Variants in BCL2 observed in about 807,000 individuals in gnomAD.
The protein encoded by BCL2 is BCL2 apoptosis regulator.
A neutral mutation model predicts 14.2 loss-of-function variants in BCL2; 1 was observed. The observed-to-expected ratio is 0.07, with a 90% CI of 0.02 to 0.33. The LOEUF is 0.33. BCL2 is among the 10% of genes least tolerant of loss of function. BCL2 has a pLI of 0.99. For missense variants in BCL2, 247 were observed against 305.9 expected, an observed-to-expected ratio of 0.81 and a Z score of 1.44; for synonymous variants, 151 against 137.2, an observed-to-expected ratio of 1.10 and a Z score of -0.70.
In BCL2 at chr18:63,125,819, C is replaced by T; in HGVS notation, c.*2806G>A. 4.6e-6 allele frequency: 1 copy of T among 218,152 alleles called. No individual in the cohort carries two copies. Among genetic ancestry groups the T allele is most frequent in the Non-Finnish European group, 9.2e-6 (1 of 108,382 alleles). The allele number at this position is 218,152 out of a possible 1,614,324, so 13.5% of individuals were successfully genotyped here. ...GCCACAATACTGTACAGTTCTGGGG[C>T]CAAGAGGCTGGGCACATTTACTGTT... is the stretch of plus-strand genomic sequence containing the variant. On this transcript the variant is annotated 3_prime_UTR_variant, in exon 3 of 3. Transcript: ENST00000333681.
intron 2 of BCL2, among the ~76,000 whole-genome samples, chr18:63,267,064 G>T (rs1186873751): frequency 6.6e-6 from 1 of 152,172 alleles, no homozygotes; most frequent in Non-Finnish European, 1.5e-5. Context: ...AGGTCAGGAG[G>T]TGAGGAGATG....
At chr18:63,311,613 G>A (rs1913321786) in intron 2 of BCL2, among the ~76,000 whole-genome samples, 1 of 152,178 alleles carries the variant, frequency 6.6e-6, no homozygotes. Flanking sequence ...GCCCCAGAGA[G>A]CTGATTATTA....
chr18:63,216,433 T>C (rs1352126167), intron 2 of BCL2, among the ~76,000 whole-genome samples: 9 of 151,374 alleles, frequency 5.9e-5, no homozygotes, highest in Non-Finnish European at 1.2e-4. Context: ...AGTGAAACTT[T>C]GCTTAGGAAG....
At chr18:63,170,137 T>C (rs892940085) in intron 2 of BCL2, among the ~76,000 whole-genome samples, 1 of 152,146 alleles carries the variant, frequency 6.6e-6, no homozygotes, top group Non-Finnish European at 1.5e-5. Context: ...TCAGTTTTTT[T>C]CATCTATAAA....
chr18:63,221,146 TG>T (rs1910381396), intron 2 of BCL2, among the ~76,000 whole-genome samples: 1 of 152,256 alleles, frequency 6.6e-6, no homozygotes, highest in East Asian at 1.9e-4. Context: ...CACGTGTCTG[TG>T]GGCAAGTGGT....
intron 2 of BCL2, among the ~76,000 whole-genome samples, chr18:63,237,869 G>GT (rs531831289): frequency 2.8e-4 from 43 of 151,942 alleles, no homozygotes; most frequent in Non-Finnish European, 3.7e-4. Context: ...ATTTTAAATA[G>GT]TTTTTTTTAA....
At chr18:63,138,224 C>T (rs972842511) in intron 2 of BCL2, among the ~76,000 whole-genome samples, 36 of 152,334 alleles carry the variant, frequency 2.4e-4, no homozygotes, top group African/African-American at 8.4e-4. Context: ...GAGTGGTGGC[C>T]GGCAGAGCAC....
chr18:63,183,851 GTGCAA>G (rs2144644652), intron 2 of BCL2, among the ~76,000 whole-genome samples: 2 of 152,228 alleles, frequency 1.3e-5, no homozygotes, highest in East Asian at 3.9e-4. Flanking sequence ...ACATTAAACA[GTGCAA>G]TTTATGTTAG....
chr18:63,182,688 G>A (rs1915507289), intron 2 of BCL2, among the ~76,000 whole-genome samples: 1 of 152,154 alleles, frequency 6.6e-6, no homozygotes, highest in South Asian at 2.1e-4. Context: ...GGCTTCATTG[G>A]CCCATTCTGC....
intron 2 of BCL2, among the ~76,000 whole-genome samples, chr18:63,269,219 G>C (rs902499258): frequency 6.6e-6 from 1 of 152,110 alleles, no homozygotes; most frequent in African/African-American, 2.4e-5. Flanking sequence ...CTCCCAAAAT[G>C]CTGAGATTAT....
At chr18:63,215,409 G>A (rs535343202) in intron 2 of BCL2, among the ~76,000 whole-genome samples, 13 of 152,190 alleles carry the variant, frequency 8.5e-5, no homozygotes, top group South Asian at 2.1e-4. Context: ...GGAATAGTAC[G>A]CAGTCATGAA....
At position 63,127,277 on chromosome 18, in the gene BCL2, A is replaced by G; in HGVS notation, c.*1348T>C. 1 of 231,520 alleles carries G rather than the reference A, an allele frequency of 4.3e-6. No individual in the cohort carries two copies. The highest frequency in any genetic ancestry group is 8.6e-6 in the Non-Finnish European group (1 of 116,892). The allele number at this position is 231,520 out of a possible 1,614,324, so 14.3% of individuals were successfully genotyped here. On this transcript the variant is annotated 3_prime_UTR_variant, in exon 3 of 3. Coordinates refer to ENST00000333681, the MANE Select transcript of BCL2 (RefSeq NM_000633.3). The stretch of plus-strand genomic sequence containing the variant: ...ACTCACAGGTGGGCCAAGGCCACAC[A>G]GCCAACGTGCCATGTGCTACAGCCA...
chr18:63,281,692 G>GAAAT (rs1171744578), intron 2 of BCL2, among the ~76,000 whole-genome samples: 3 of 128,716 alleles, frequency 2.3e-5, no homozygotes, highest in African/African-American at 8.6e-5. Context: ...AAGAAAGAAA[G>GAAAT]AAAGAAAGAA....
At chr18:63,201,304 C>G (rs540706181) in intron 2 of BCL2, among the ~76,000 whole-genome samples, 1 of 152,158 alleles carries the variant, frequency 6.6e-6, no homozygotes, top group African/African-American at 2.4e-5. Flanking sequence ...TCTTAAGACC[C>G]AAATTCCTGA....
intron 2 of BCL2, among the ~76,000 whole-genome samples, chr18:63,306,877 G>A (rs376459325): frequency 1.4e-5 from 2 of 144,552 alleles, no homozygotes; most frequent in Middle Eastern, 3.6e-3. Flanking sequence ...GCTATCATTC[G>A]TGTTAGCGTA....
In BCL2 at chr18:63,127,346, A is replaced by C. The variant is rs1301265805; in HGVS notation, c.*1279T>G. On this transcript the variant is annotated 3_prime_UTR_variant, in exon 3 of 3. Transcript: ENST00000333681. ...GCCTCTCCTCACGTTCCCAGCCTTCACCATGTCCTTCTGATAGGAAGGGCC... is the reference window on the plus strand; with the variant it reads ...GCCTCTCCTCACGTTCCCAGCCTTCCCCATGTCCTTCTGATAGGAAGGGCC... 8.6e-6 allele frequency: 2 copies of C among 232,984 alleles called. No individual in the cohort carries two copies. Among genetic ancestry groups the C allele is most frequent in the Non-Finnish European group, 1.7e-5 (2 of 117,900 alleles). 14.4% of individuals were successfully genotyped at this position (232,984 alleles called of 1,614,324 possible).
At chr18:63,292,991 G>A (rs1912694864) in intron 2 of BCL2, among the ~76,000 whole-genome samples, 1 of 152,198 alleles carries the variant, frequency 6.6e-6, no homozygotes, top group Non-Finnish European at 1.5e-5. Flanking sequence ...CCTCACTTTG[G>A]TTGGAGGGTG....
chr18:63,179,706 G>A (rs966181175), intron 2 of BCL2, among the ~76,000 whole-genome samples: 1 of 152,122 alleles, frequency 6.6e-6, no homozygotes, highest in African/African-American at 2.4e-5. Context: ...GTCCTTGGAT[G>A]GACACTCACA....
chr18:63,183,296 C>T (rs1052417896), intron 2 of BCL2, among the ~76,000 whole-genome samples: 3 of 152,150 alleles, frequency 2.0e-5, no homozygotes, highest in Admixed American at 6.5e-5. Flanking sequence ...AAGAAGAGGG[C>T]AGGTGTCTGC....
Sources: gnomAD v4.1 joint callset for allele counts (sites outside exome capture counted in the v4.1 genomes callset) on GRCh38, gnomAD v4.1.1 for gene constraint, MANE v1.5 for transcripts, NCBI Gene and HGNC (gene_info 2026-07-23, HGNC 2026-07-21) for gene names.